The following VIRMA variants were observed in gnomAD, a reference collection of about 807,000 sequenced individuals.
VIRMA encodes protein virilizer homolog.
In VIRMA, 65 loss-of-function variants were observed where a neutral mutation model predicts 182.4. The ratio of observed to expected loss-of-function variants is 0.36; its 90% CI spans 0.29 to 0.44. VIRMA has a LOEUF of 0.44. Among genes scored for constraint, VIRMA ranks in the 20% least tolerant of loss-of-function variants. VIRMA has a pLI of 1.00. For synonymous variants in VIRMA, 709 were observed against 743.1 expected (o/e 0.95, Z 0.75); for missense variants, 1,752 against 2,158.1 (o/e 0.81, Z 3.73).
Position 94,496,414 on chromosome 8 carries a change from T to C in VIRMA, c.4297A>G (p.Ile1433Val). 1 of 1,613,520 alleles carries C rather than the reference T, an allele frequency of 6.2e-7. No individual in the cohort carries two copies. The highest frequency in any genetic ancestry group is 2.2e-5 in the East Asian group (1 of 44,862). The change falls in exon 18 of 24, where the codon ATT (isoleucine) becomes GTT (valine). Residue 1433 changes from isoleucine (I) to valine (V), a missense_variant. Around this residue, in one of 11 missense-constraint regions of VIRMA, gnomAD observed 777 missense variants for 920.6 expected, o/e 0.84. Coordinates refer to ENST00000297591, the MANE Select transcript of VIRMA (RefSeq NM_015496.5). ...EGAHTSRTMSINAAELKQLLQ... is the reference protein window; with the variant it reads ...EGAHTSRTMSVNAAELKQLLQ... ...AGCTGTTTTAACTCTGCAGCATTAA[T>C]ACTCATCGTCCGTGATGTATGAGCT...
In VIRMA at chr8:94,547,304, G is replaced by A. The variant is rs187534886; in HGVS notation, c.64-3362C>T. On this transcript the variant is annotated intron_variant, in intron 1 of 23. Coordinates refer to ENST00000297591, the MANE Select transcript of VIRMA (RefSeq NM_015496.5). ...AAGCCTAGGAAAACAGGTTAACAAT[G>A]GGAAATCATGGAAGGTTCATGATCA... is the stretch of plus-strand genomic sequence containing the variant. Among the ~76,000 whole-genome samples, 544 of 151,270 alleles carry A rather than the reference G, an allele frequency of 3.6e-3. 37 individuals are homozygous for A. Among genetic ancestry groups the A allele is most frequent in the African/African-American group, 0.013 (509 of 40,584 alleles).
intron 17 of VIRMA, chr8:94,496,751 T>C (rs1407934516): frequency 6.4e-6 from 2 of 310,806 alleles, no homozygotes; most frequent in Admixed American, 4.9e-5. Context: ...ACACTGGCAG[T>C]TGTAGGACGT....
chr8:94,530,587 A>G (rs77265025), intron 6 of VIRMA, among the ~76,000 whole-genome samples: 22,615 of 152,136 alleles, frequency 0.15, 2,089 homozygotes, highest in South Asian at 0.3. Context: ...CTGCATCAAG[A>G]TTTGATTACT....
chr8:94,547,382 A>G (rs945690041), intron 1 of VIRMA, among the ~76,000 whole-genome samples: 1 of 151,164 alleles, frequency 6.6e-6, no homozygotes, highest in Non-Finnish European at 1.5e-5. Flanking sequence ...ACTCTGAGCC[A>G]CAATTATCTT....
chr8:94,522,901 T>G (rs370028834), intron 8 of VIRMA, among the ~76,000 whole-genome samples: 1 of 152,182 alleles, frequency 6.6e-6, no homozygotes, highest in African/African-American at 2.4e-5. Flanking sequence ...CCTTTCCATA[T>G]TCTACAAATA....
At chr8:94,499,005 C>T (rs1210818482) in intron 17 of VIRMA, 1 of 153,480 alleles carries the variant, frequency 6.5e-6, no homozygotes, top group Non-Finnish European at 1.4e-5. Context: ...CACTTGAACC[C>T]AGTATGTGGA....
intron 22 of VIRMA, among the ~76,000 whole-genome samples, chr8:94,491,293 G>A (rs1002454591): frequency 4.7e-5 from 7 of 148,918 alleles, no homozygotes; most frequent in Admixed American, 6.8e-5. Context: ...CAGCCTGGGC[G>A]ACAGAGCAAG....
intron 2 of VIRMA, among the ~76,000 whole-genome samples, chr8:94,541,508 C>T (rs1397658173): frequency 6.6e-6 from 1 of 152,100 alleles, no homozygotes; most frequent in Non-Finnish European, 1.5e-5. Context: ...TGATCTCTAA[C>T]ACTGCTTTCA....
At chr8:94,506,910 G>A (rs930171325) in intron 15 of VIRMA, among the ~76,000 whole-genome samples, 193 bp from the exon 16 acceptor site, 1 of 151,770 alleles carries the variant, frequency 6.6e-6, no homozygotes, top group Non-Finnish European at 1.5e-5. Context: ...GTTAATACAA[G>A]GATACACACC....
chr8:94,523,968 G>A (rs1349601261), intron 8 of VIRMA, among the ~76,000 whole-genome samples: 3 of 144,378 alleles, frequency 2.1e-5, no homozygotes, highest in African/African-American at 7.6e-5. Context: ...TAGTTTTTGT[G>A]TGTGTCTGTG....
chr8:94,496,187 T>C (rs989159253), intron 18 of VIRMA, 141 bp downstream of exon 18: 1 of 742,164 alleles, frequency 1.3e-6, no homozygotes, highest in African/African-American at 1.8e-5. Flanking sequence ...CTTCAAATTA[T>C]TAATTCAAAG....
At chr8:94,489,419 T>TATA (rs1194248951) in intron 23 of VIRMA, among the ~76,000 whole-genome samples, 1 of 152,222 alleles carries the variant, frequency 6.6e-6, no homozygotes. Flanking sequence ...ACTTTAAGTC[T>TATA]ATACTCTAAA....
intron 16 of VIRMA, among the ~76,000 whole-genome samples, chr8:94,499,801 T>C (rs574661947): frequency 2.0e-4 from 31 of 151,968 alleles, no homozygotes; most frequent in African/African-American, 7.0e-4. Context: ...TCCGGGCGCT[T>C]TGGGAGGCCG....
chr8:94,506,548 G>T lies in VIRMA; in HGVS notation c.4049C>A (p.Thr1350Lys). The change falls in exon 16 of 24, where the codon ACA becomes AAA. Residue 1350 changes from threonine (T) to lysine (K), a missense_variant. Around this residue, in one of 11 missense-constraint regions of VIRMA, gnomAD observed 777 missense variants for 920.6 expected, o/e 0.84. Coordinates refer to ENST00000297591, the MANE Select transcript of VIRMA (RefSeq NM_015496.5). Reference sequence around the variant, plus strand: ...ATCATGCTCTGCAAGAAACATCATTGTTCTGACACATGTCAGTAAACAGTT... The same window carrying T: ...ATCATGCTCTGCAAGAAACATCATTTTTCTGACACATGTCAGTAAACAGTT... ...SYNCLLTCVR[T>K]MMFLAEHDYG... is the part of the protein sequence containing the mutation. 2 of 1,613,284 alleles carry T rather than the reference G, an allele frequency of 1.2e-6. No homozygotes were observed. Among genetic ancestry groups the T allele is most frequent in the African/African-American group, 1.3e-5 (1 of 75,008 alleles).
chr8:94,542,609 A>C (rs1032212428), intron 2 of VIRMA, among the ~76,000 whole-genome samples: 1 of 152,220 alleles, frequency 6.6e-6, no homozygotes, highest in East Asian at 1.9e-4. Flanking sequence ...TGGATATACT[A>C]TCATTATCCA....
chr8:94,492,357 C>T (rs988557105), intron 21 of VIRMA, among the ~76,000 whole-genome samples: 1 of 150,742 alleles, frequency 6.6e-6, no homozygotes, highest in Admixed American at 6.6e-5. Context: ...GATCTCGGCT[C>T]AATGCAATCT....
chr8:94,541,002 T>C (rs1815530171), intron 2 of VIRMA, among the ~76,000 whole-genome samples: 1 of 151,882 alleles, frequency 6.6e-6, no homozygotes, highest in Non-Finnish European at 1.5e-5. Context: ...AATAATAAAA[T>C]ACATATATAA....
chr8:94,538,713 G>A (rs970709973), intron 2 of VIRMA, among the ~76,000 whole-genome samples: 104 of 152,224 alleles, frequency 6.8e-4, no homozygotes, highest in Non-Finnish European at 3.2e-4. Context: ...TTGGGTTCAA[G>A]TGACTCTCCT....
chr8:94,530,849 C>G, intron 6 of VIRMA, 114 bp downstream of exon 6: 1 of 1,139,820 alleles, frequency 8.8e-7, no homozygotes, highest in South Asian at 1.8e-5. Flanking sequence ...GTGGTCAAGA[C>G]TGCAGTGAGC....
Sources: gnomAD v4.1 joint callset for allele counts (sites outside exome capture counted in the v4.1 genomes callset) on GRCh38, gnomAD v4.1.1 for gene constraint, gnomAD v4.1.1 regional missense constraint, MANE v1.5 for transcripts, NCBI Gene and HGNC (gene_info 2026-07-23, HGNC 2026-07-21) for gene names.